Variants in C2 observed in about 807,000 individuals in gnomAD.
C2 encodes complement C2.
C2 carries 64 observed loss-of-function variants against 85.2 expected under a neutral mutation model. That is an observed-to-expected ratio of 0.75 (90% CI 0.61 to 0.92). The LOEUF is 0.92. C2 is among the 40% of genes least tolerant of loss of function. The probability of loss-of-function intolerance (pLI) is 0.00; values close to 1 mark genes in which losing one functional copy is unlikely to be tolerated. For synonymous variants in C2, 311 were observed against 370.8 expected (o/e 0.84, Z 1.85); for missense variants, 820 against 971.6 (o/e 0.84, Z 2.07).
intron 3 of C2, chr6:31,932,516 T>C (rs41289139): frequency 4.7e-6 from 1 of 214,260 alleles, no homozygotes; most frequent in African/African-American, 2.6e-5. Context: ...TCTCAGACGA[T>C]GGGCGGCAGG....
At chr6:31,905,612 AAAT>A (rs1174888430) in intron 1 of C2, among the ~76,000 whole-genome samples, 1 of 10,590 alleles carries the variant, frequency 9.4e-5, no homozygotes, top group Non-Finnish European at 1.3e-4. Flanking sequence ...AAAAATAATA[AAAT>A]AATAAATAAA....
chr6:31,928,183 T>C lies in C2; in HGVS notation c.256+19T>C. The C allele has an allele frequency of 6.3e-7, 1 of 1,594,452 alleles. No homozygotes were observed. Among genetic ancestry groups the C allele is most frequent in the Non-Finnish European group, 8.5e-7 (1 of 1,174,522 alleles). On this transcript the variant is annotated intron_variant, in intron 2 of 17. Transcript: ENST00000299367. The stretch of plus-strand genomic sequence containing the variant: ...TGCAAACGTGAGGCTCCCTGTGGGC[T>C]TTGCTCAGGGTGCTACACCAGGGGC...
chr6:31,944,003 G>C lies in C2; in HGVS notation c.1810+10G>C. The C allele has an allele frequency of 6.2e-7, 1 of 1,612,480 alleles. No homozygotes were observed. The highest frequency in any genetic ancestry group is 8.5e-7 in the Non-Finnish European group (1 of 1,179,532). ...ACCTGTAGGGACCATGGTGAGTGCT[G>C]GGACTTATGGTGCTTGAGAGCTGGG... On this transcript the variant is annotated intron_variant, in intron 14 of 17. Transcript: ENST00000299367. The surrounding 1 kb of genome is among the most constrained non-coding windows in gnomAD (Gnocchi z 5.1).
upstream of C2, among the ~76,000 whole-genome samples, chr6:31,925,860 T>G (rs1480639045): frequency 6.6e-6 from 1 of 152,148 alleles, no homozygotes; most frequent in Non-Finnish European, 1.5e-5. Flanking sequence ...ATTTCTCTCT[T>G]GTAACAATCT....
At chr6:31,932,899 C>T (rs1032039416) in intron 3 of C2, among the ~76,000 whole-genome samples, 1 of 152,270 alleles carries the variant, frequency 6.6e-6, no homozygotes, top group Admixed American at 6.5e-5. Flanking sequence ...GGATCACTCG[C>T]GGTTAGGAGC....
upstream of C2, among the ~76,000 whole-genome samples, chr6:31,919,496 G>C (rs1562570657): frequency 6.6e-6 from 1 of 152,122 alleles, no homozygotes. Flanking sequence ...TAATAAAGGG[G>C]ATTTGGTGAA....
At chr6:31,937,221 AAT>A (rs1554281490) in intron 7 of C2, 96 bp from the exon 8 acceptor site, 5 of 1,394,800 alleles carry the variant, frequency 3.6e-6, no homozygotes, top group Non-Finnish European at 5.1e-6. Context: ...AAAAAAAAAA[AAT>A]TGCATTTCCA....
chr6:31,931,654 G>T (rs530370883), intron 3 of C2, among the ~76,000 whole-genome samples: 33 of 152,172 alleles, frequency 2.2e-4, no homozygotes, highest in East Asian at 1.4e-3. Flanking sequence ...AAGTCTCCCA[G>T]GTCTACCTCT....
chr6:31,921,885 G>A lies in C2; in HGVS notation c.-100+1859G>A, dbSNP rs981962732. On this transcript the variant is annotated intron_variant, in intron 1 of 3. Transcript: ENST00000413154. The surrounding 1 kb of genome is among the most constrained non-coding windows in gnomAD (Gnocchi z 4.6). ...CTGGAGGTGATCGCAAGAAACATGGGTAGTGGAGTGTGATAGAGAAGGAAG... is the reference window on the plus strand; with the variant it reads ...CTGGAGGTGATCGCAAGAAACATGGATAGTGGAGTGTGATAGAGAAGGAAG... Among the ~76,000 whole-genome samples the A allele has an allele frequency of 4.6e-5, 7 of 152,178 alleles. No homozygotes were observed. The highest frequency in any genetic ancestry group is 1.4e-4 in the African/African-American group (6 of 41,436).
In C2 at chr6:31,944,995, C is replaced by G; in HGVS notation, c.2045C>G (p.Ala682Gly). The change falls in exon 17 of 18, where the codon GCA (alanine) becomes GGA (glycine). Residue 682 changes from alanine (A) to glycine (G), a missense_variant. By Grantham distance (60) the Ala-to-Gly change is moderately conservative (BLOSUM62 0). Transcript: ENST00000299367. The surrounding 1 kb of genome is among the most constrained non-coding windows in gnomAD (Gnocchi z 5.1). ...TTGCTGGCAGGAGAATCTGGGGGAGCAGTTTTCCTTGAGCGGAGATTCAGG... is the reference window on the plus strand; with the variant it reads ...TTGCTGGCAGGAGAATCTGGGGGAGGAGTTTTCCTTGAGCGGAGATTCAGG... ...ESPCKGESGG[A>G]VFLERRFRFF... 3.7e-6 allele frequency: 6 copies of G among 1,613,068 alleles called. No homozygotes were observed. The highest frequency in any genetic ancestry group is 5.1e-6 in the Non-Finnish European group (6 of 1,180,038).
At chr6:31,917,172 G>GAAA (rs1273347156), upstream of C2, among the ~76,000 whole-genome samples, 1 of 83,234 alleles carries the variant, frequency 1.2e-5, no homozygotes, top group Non-Finnish European at 2.5e-5. Context: ...CTCTGTCTCA[G>GAAA]AAAAAAAAAA....
chr6:31,902,000 G>A (rs1366544517), intron 1 of C2: 1 of 150,010 alleles, frequency 6.7e-6, no homozygotes, highest in African/African-American at 2.4e-5. Context: ...GCGTAAGGGG[G>A]GAGGGGCGGG....
intron 1 of C2, among the ~76,000 whole-genome samples, chr6:31,914,156 C>G (rs1768322028): frequency 6.6e-6 from 1 of 151,866 alleles, no homozygotes; most frequent in Non-Finnish European, 1.5e-5. Context: ...TGTGATCCGC[C>G]TGCCTCGGCC....
Position 31,943,008 on chromosome 6 carries a change from G to A in C2, c.1269G>A (p.Leu423=), listed in dbSNP as rs1771011503. The change falls in exon 10 of 18, where the codon CTG becomes CTA. Residue 423 remains leucine (L), a synonymous_variant. Transcript: ENST00000299367. The surrounding 1 kb of genome is among the most constrained non-coding windows in gnomAD (Gnocchi z 6.4). ...VGKLDVDWRE[L]NELGSKKDGE... ...AGCTGGATGTGGACTGGAGAGAACT[G>A]AATGAGCTAGGGTCCAAGAAGGATG... 6.2e-7 allele frequency: 1 copy of A among 1,613,088 alleles called. No homozygotes were observed. Among genetic ancestry groups the A allele is most frequent in the Non-Finnish European group, 8.5e-7 (1 of 1,180,042 alleles).
At chr6:31,901,243 C>T in intron 1 of C2, 8 of 1,613,330 alleles carry the variant, frequency 5.0e-6, no homozygotes, top group Non-Finnish European at 6.8e-6. Context: ...GGTTCATGTT[C>T]CGTAGCGTTG....
rs1253229574 is a variant in C2 at position 31,937,470 on chromosome 6, T to C, written c.1129+11T>C. On this transcript the variant is annotated intron_variant, in intron 8 of 17. Coordinates refer to ENST00000299367, the MANE Select transcript of C2 (RefSeq NM_000063.6). The stretch of plus-strand genomic sequence containing the variant: ...TCCTTCTGACAGATGGTGGGTATCA[T>C]GGTCTCTGAGTGTGTCTGGAATAGT... 3 of 1,612,652 alleles carry C rather than the reference T, an allele frequency of 1.9e-6. No individual in the cohort carries two copies. The highest frequency in any genetic ancestry group is 1.7e-5 in the Admixed American group (1 of 59,980).
At chr6:31,932,918 A>G (rs1034550153) in intron 3 of C2, among the ~76,000 whole-genome samples, 16 of 152,270 alleles carry the variant, frequency 1.1e-4, no homozygotes, top group Non-Finnish European at 2.1e-4. Flanking sequence ...GCTGGAGACC[A>G]GCCCGGCCAA....
chr6:31,933,426 T>C (rs1770089417), intron 3 of C2, among the ~76,000 whole-genome samples, 184 bp from the exon 4 acceptor site: 1 of 152,176 alleles, frequency 6.6e-6, no homozygotes, highest in Non-Finnish European at 1.5e-5. Context: ...AATATAAATG[T>C]TCTCTGAAGG....
At position 31,920,401 on chromosome 6, in the gene C2, A is replaced by C. The variant is rs1768880098; in HGVS notation, c.-100+375A>C. Reference sequence around the variant, plus strand: ...AACATTAGAGAGGAATTTTCAATGAAAGGGCAGAGGAGGCTAGTGAGGCCC... The same window carrying C: ...AACATTAGAGAGGAATTTTCAATGACAGGGCAGAGGAGGCTAGTGAGGCCC... On this transcript the variant is annotated intron_variant, in intron 1 of 3. Coordinates refer to the C2 transcript ENST00000413154. This position sits in a 1 kb window ranked among gnomAD's most constrained non-coding sequence, Gnocchi z 5.6. Among the ~76,000 whole-genome samples, 1 of 152,166 alleles carries C rather than the reference A, an allele frequency of 6.6e-6. No homozygotes were observed. Among genetic ancestry groups the C allele is most frequent in the African/African-American group, 2.4e-5 (1 of 41,444 alleles).
Sources: gnomAD v4.1 joint callset for allele counts (sites outside exome capture counted in the v4.1 genomes callset) on GRCh38, gnomAD v4.1.1 for gene constraint, Gnocchi (gnomAD v3.1) non-coding constraint, MANE v1.5 for transcripts, NCBI Gene and HGNC (gene_info 2026-07-23, HGNC 2026-07-21) for gene names.